The following RBM33 variants were observed in gnomAD, a reference collection of about 807,000 sequenced individuals.
RBM33 encodes the protein RNA-binding protein 33.
Under a neutral mutation model 132.6 loss-of-function variants are expected in RBM33, and 28 were observed. That is an observed-to-expected ratio of 0.21 (90% CI 0.16 to 0.29). The LOEUF (loss-of-function observed/expected upper bound fraction) is 0.29, where lower values mean the gene tolerates loss of function less well. RBM33 is among the 10% of genes least tolerant of loss of function. The probability of loss-of-function intolerance (pLI) is 1.00; values close to 1 mark genes in which losing one functional copy is unlikely to be tolerated. For missense variants in RBM33, 1,291 were observed against 1,518.5 expected, an observed-to-expected ratio of 0.85 and a Z score of 2.49; for synonymous variants, 634 against 593.0, an observed-to-expected ratio of 1.07 and a Z score of -1.01.
chr7:155,714,403 A>C (rs1456433498), intron 8 of RBM33, among the ~76,000 whole-genome samples: 1 of 152,150 alleles, frequency 6.6e-6, no homozygotes, highest in Admixed American at 6.5e-5. Flanking sequence ...TCCTAGAGGG[A>C]GTGAGATGGA....
intron 9 of RBM33, among the ~76,000 whole-genome samples, chr7:155,734,900 A>T (rs1247622317): frequency 1.3e-5 from 2 of 151,852 alleles, no homozygotes; most frequent in Admixed American, 1.3e-4. Context: ...TCATTTAAAC[A>T]TTTTTTTGAA....
chr7:155,673,655 TACACACATATAC>T lies in RBM33; in HGVS notation c.171+742_171+753del, dbSNP rs1799042214. Among the ~76,000 whole-genome samples, 8 of 105,832 alleles carry T rather than the reference TACACACATATAC, an allele frequency of 7.6e-5. 1 individual carries two copies. Among genetic ancestry groups the T allele is most frequent in the African/African-American group, 3.1e-4 (8 of 25,398 alleles). 69.4% of individuals were successfully genotyped at this position (105,832 alleles called of 152,430 possible). ...ACATATACATACACACGTGTATATATACACACATATACATACACACGTGTATATATATACACA... is the reference window on the plus strand; with the variant it reads ...ACATATACATACACACGTGTATATATATACACACGTGTATATATATACACA... On this transcript the variant is annotated intron_variant, in intron 3 of 17. Transcript: ENST00000401878.
Position 155,780,962 on chromosome 7 carries a change from GC to G in RBM33, c.*5922del, listed in dbSNP as rs1802807018. ...GTGCGGTTCGTGCCCTTAACCACCC[GC>G]TTCTTTGTTTCCCGCCCCTCTGCTT... On this transcript the variant is annotated 3_prime_UTR_variant, in exon 18 of 18. Transcript: ENST00000401878. 2 of 152,768 alleles carry G rather than the reference GC, an allele frequency of 1.3e-5. No individual in the cohort carries two copies. Among genetic ancestry groups the G allele is most frequent in the African/African-American group, 4.8e-5 (2 of 41,466 alleles). The allele number at this position is 152,768 out of a possible 1,614,324, so 9.5% of individuals were successfully genotyped here. A position where few individuals can be genotyped will look rare whatever the true frequency, so the allele number is the denominator to read the frequency against.
At chr7:155,686,355 A>G (rs980306572) in intron 5 of RBM33, among the ~76,000 whole-genome samples, 1 of 152,220 alleles carries the variant, frequency 6.6e-6, no homozygotes, top group East Asian at 1.9e-4. Flanking sequence ...AGTAGCCAGT[A>G]AAGGAGAGAG....
At chr7:155,693,112 G>A (rs926991858) in intron 5 of RBM33, among the ~76,000 whole-genome samples, 4 of 152,106 alleles carry the variant, frequency 2.6e-5, no homozygotes, top group Non-Finnish European at 5.9e-5. Flanking sequence ...AGTTACAGAT[G>A]GAAATGGTAA....
chr7:155,678,829 A>G (rs2116920591), intron 4 of RBM33, 145 bp downstream of exon 4: 1 of 571,190 alleles, frequency 1.8e-6, no homozygotes, highest in South Asian at 2.3e-5. Context: ...TACTAGTAAT[A>G]ACTGTAGAAG....
intron 1 of RBM33, among the ~76,000 whole-genome samples, chr7:155,662,087 G>GCCGAAGCTTCTGATGTTGCT (rs1171150177): frequency 6.6e-6 from 1 of 151,966 alleles, no homozygotes; most frequent in East Asian, 1.9e-4. Flanking sequence ...TCACCCCTCC[G>GCCGAAGCTTCTGATGTTGCT]CCGAAGCTTC....
At chr7:155,759,352 C>G (rs1369804935) in intron 14 of RBM33, among the ~76,000 whole-genome samples, 1 of 151,756 alleles carries the variant, frequency 6.6e-6, no homozygotes, top group Admixed American at 6.6e-5. Flanking sequence ...AGTCTCTTAC[C>G]CAAAATAATG....
In RBM33 at chr7:155,673,940, G is replaced by GTTGTTGTTTTTTTTTTTTTTTTTTTT; in HGVS notation, c.171+1027_171+1028insGTTGTTTTTTTTTTTTTTTTTTTTTT. 2.4e-4 allele frequency among the ~76,000 whole-genome samples: 13 copies of GTTGTTGTTTTTTTTTTTTTTTTTTTT among 54,196 alleles called. 1 individual carries two copies. Among genetic ancestry groups the GTTGTTGTTTTTTTTTTTTTTTTTTTT allele is most frequent in the African/African-American group, 7.4e-4 (9 of 12,126 alleles). 35.6% of individuals were successfully genotyped at this position (54,196 alleles called of 152,430 possible). A position where few individuals can be genotyped will look rare whatever the true frequency, so the allele number is the denominator to read the frequency against. Reference sequence around the variant, plus strand: ...TCATTATCAAGATAGTTTAGGCTTAGTTTTTTTTTTTTTTTTTTTTTTTTT... The same window carrying GTTGTTGTTTTTTTTTTTTTTTTTTTT: ...TCATTATCAAGATAGTTTAGGCTTAGTTGTTGTTTTTTTTTTTTTTTTTTTTTTTTTTTTTTTTTTTTTTTTTTTTT... On this transcript the variant is annotated intron_variant, in intron 3 of 17. Transcript: ENST00000401878.
At chr7:155,761,048 C>A (rs1434569701) in intron 14 of RBM33, among the ~76,000 whole-genome samples, 11 of 152,304 alleles carry the variant, frequency 7.2e-5, no homozygotes, top group Admixed American at 7.2e-4. Context: ...CTCAGTCACC[C>A]GCAGCCCTGG....
At chr7:155,769,379 C>T (rs918762995) in intron 16 of RBM33, among the ~76,000 whole-genome samples, 3 of 152,164 alleles carry the variant, frequency 2.0e-5, no homozygotes, top group African/African-American at 7.2e-5. Flanking sequence ...CCTGGCTGGG[C>T]CCTAGTGACC....
Position 155,726,353 on chromosome 7 carries a change from T to A in RBM33, c.1260+7910T>A, listed in dbSNP as rs565749870. Among the ~76,000 whole-genome samples, 177 of 151,750 alleles carry A rather than the reference T, an allele frequency of 1.2e-3. 1 individual carries two copies. Among genetic ancestry groups the A allele is most frequent in the Non-Finnish European group, 2.1e-3 (143 of 67,988 alleles). On this transcript the variant is annotated intron_variant, in intron 9 of 17. Transcript: ENST00000401878. ...TTGTGCTAAGCAATTTATGCAAAGT[T>A]TTTCATCGTTTTTTTTTTTGTAACC... is the stretch of plus-strand genomic sequence containing the variant.
Position 155,742,951 on chromosome 7 carries a change from A to G in RBM33, c.2337+845A>G, listed in dbSNP as rs566446089. ...GCAGTGCAGCGAGTTAACTTGTCCAATAGCAATGTCATGAAGAATGGCTTT... is the reference window on the plus strand; with the variant it reads ...GCAGTGCAGCGAGTTAACTTGTCCAGTAGCAATGTCATGAAGAATGGCTTT... On this transcript the variant is annotated intron_variant, in intron 13 of 17. Transcript: ENST00000401878. 1.0e-3 allele frequency among the ~76,000 whole-genome samples: 152 copies of G among 152,352 alleles called. 1 individual carries two copies. Among genetic ancestry groups the G allele is most frequent in the South Asian group, 7.7e-3 (37 of 4,830 alleles).
chr7:155,682,065 C>T (rs371963687), intron 5 of RBM33, among the ~76,000 whole-genome samples: 12 of 152,120 alleles, frequency 7.9e-5, no homozygotes, highest in East Asian at 7.7e-4. Context: ...AGATTACAGG[C>T]GCCCACCATC....
intron 3 of RBM33, among the ~76,000 whole-genome samples, chr7:155,673,947 T>G (rs1180916829): frequency 0.064 from 6,249 of 97,626 alleles, 1,495 homozygotes; most frequent in Non-Finnish European, 0.086. Flanking sequence ...TTAGTTTTTT[T>G]TTTTTTTTTT....
intron 5 of RBM33, among the ~76,000 whole-genome samples, chr7:155,690,281 T>G (rs956699276): frequency 1.3e-5 from 2 of 152,170 alleles, no homozygotes; most frequent in Admixed American, 6.5e-5. Flanking sequence ...TATCAGAGAG[T>G]AGGATTGTAT....
intron 1 of RBM33, among the ~76,000 whole-genome samples, chr7:155,658,898 C>T (rs887796780): frequency 2.0e-5 from 3 of 152,208 alleles, no homozygotes; most frequent in African/African-American, 4.8e-5. Flanking sequence ...CTGTTATTTT[C>T]ATCCCCCTCT....
At chr7:155,730,445 A>G (rs1281670608) in intron 9 of RBM33, among the ~76,000 whole-genome samples, 1 of 152,234 alleles carries the variant, frequency 6.6e-6, no homozygotes, top group African/African-American at 2.4e-5. Context: ...AACGACATGT[A>G]TGGTGAACTT....
At chr7:155,702,130 GT>G (rs1799983399) in intron 6 of RBM33, among the ~76,000 whole-genome samples, 1 of 152,184 alleles carries the variant, frequency 6.6e-6, no homozygotes. Context: ...TCTGGTCTTG[GT>G]CTAGATAAGA....
Sources: allele counts gnomAD v4.1 joint callset (sites outside exome capture counted in the v4.1 genomes callset), GRCh38; gene constraint gnomAD v4.1.1; transcripts MANE v1.5; gene names NCBI Gene and HGNC (gene_info 2026-07-23, HGNC 2026-07-21).